CTNND2: variants seen among roughly 807,000 people sequenced by gnomAD.
CTNND2 encodes catenin delta 2, also known as catenin delta-2.
In CTNND2, 22 loss-of-function variants were observed where a neutral mutation model predicts 144.4. The observed-to-expected ratio is 0.15, with a 90% CI of 0.11 to 0.22. CTNND2 has a LOEUF of 0.22. Among genes scored for constraint, CTNND2 ranks in the 10% least tolerant of loss-of-function variants. CTNND2 has a pLI of 1.00. For synonymous variants in CTNND2, 751 were observed against 695.6 expected (o/e 1.08, Z -1.25); for missense variants, 1,353 against 1,618.8 (o/e 0.84, Z 2.82).
At chr5:11,517,846 T>C (rs1421974035) in intron 3 of CTNND2, among the ~76,000 whole-genome samples, 2 of 152,014 alleles carry the variant, frequency 1.3e-5, no homozygotes, top group African/African-American at 2.4e-5. Flanking sequence ...AGAAAAAAGA[T>C]CTCTCCTTTC....
chr5:11,131,964 TA>T (rs34521084), intron 12 of CTNND2, among the ~76,000 whole-genome samples: 89,672 of 152,044 alleles, frequency 0.59, 26,643 homozygotes, highest in African/African-American at 0.66. Flanking sequence ...ATCTAGATGG[TA>T]AAGTTTTCCT....
At chr5:11,258,680 C>T (rs749482756) in intron 9 of CTNND2, among the ~76,000 whole-genome samples, 4 of 152,012 alleles carry the variant, frequency 2.6e-5, no homozygotes, top group African/African-American at 4.8e-5. Flanking sequence ...AGTTTCTTCA[C>T]CTCTGAAGTG....
At chr5:10,992,716 A>G (rs1294620139) in intron 18 of CTNND2, 39 bp from the exon 19 acceptor site, 2 of 1,596,928 alleles carry the variant, frequency 1.3e-6, no homozygotes, top group Non-Finnish European at 1.7e-6. Context: ...TGGGCAAGAC[A>G]GAGTGATTTT....
chr5:11,523,180 T>C (rs1376803070), intron 3 of CTNND2, among the ~76,000 whole-genome samples: 1 of 152,236 alleles, frequency 6.6e-6, no homozygotes, highest in Non-Finnish European at 1.5e-5. Flanking sequence ...CGATCAGTCT[T>C]TTTCCAAGGC....
In CTNND2 at chr5:11,523,386, A is replaced by G. The variant is rs539542144; in HGVS notation, c.287+41558T>C. ...GTAACATAAGGTTATGGTATCATGT[A>G]TATCGAGGCACACTTGCGTAACCAT... On this transcript the variant is annotated intron_variant, in intron 3 of 21. Coordinates refer to ENST00000304623, the MANE Select transcript of CTNND2 (RefSeq NM_001332.4). 2.0e-4 allele frequency among the ~76,000 whole-genome samples: 30 copies of G among 152,334 alleles called. No individual in the cohort carries two copies. The South Asian group carries it at 6.2e-3, about 32-fold the overall frequency.
chr5:11,742,057 G>A (rs1171270531), intron 1 of CTNND2, among the ~76,000 whole-genome samples: 1 of 151,626 alleles, frequency 6.6e-6, no homozygotes. Flanking sequence ...GGGGGAAAGG[G>A]TGGGAGGGGG....
chr5:11,158,428 A>G (rs61753308), intron 12 of CTNND2, among the ~76,000 whole-genome samples: 2,164 of 152,286 alleles, frequency 0.014, 48 homozygotes, highest in African/African-American at 0.049. Context: ...GGTAGCACCT[A>G]TCCAGAGAAA....
At chr5:11,797,328 C>G (rs1376350025) in intron 1 of CTNND2, among the ~76,000 whole-genome samples, 1 of 152,164 alleles carries the variant, frequency 6.6e-6, no homozygotes, top group Non-Finnish European at 1.5e-5. Flanking sequence ...CGTCTCACCA[C>G]AGGGTGGAGA....
intron 14 of CTNND2, among the ~76,000 whole-genome samples, chr5:11,107,023 T>G (rs1283062171): frequency 6.6e-6 from 1 of 152,142 alleles, no homozygotes; most frequent in African/African-American, 2.4e-5. Flanking sequence ...CTCTGAAGAC[T>G]CAAGAGACCG....
intron 3 of CTNND2, among the ~76,000 whole-genome samples, chr5:11,497,686 T>G (rs2150003884): frequency 6.6e-6 from 1 of 152,094 alleles, no homozygotes; most frequent in East Asian, 1.9e-4. Context: ...GACTTGTGTG[T>G]GTGAATCATC....
intron 12 of CTNND2, among the ~76,000 whole-genome samples, chr5:11,141,910 C>T (rs1227952783): frequency 2.6e-5 from 4 of 152,188 alleles, no homozygotes; most frequent in East Asian, 3.8e-4. Context: ...ATCCTGAGGG[C>T]TCTCAATGGA....
chr5:11,294,529 C>A (rs1002000675), intron 9 of CTNND2, among the ~76,000 whole-genome samples: 2 of 152,096 alleles, frequency 1.3e-5, no homozygotes, highest in Non-Finnish European at 2.9e-5. Context: ...AGCTTTCATG[C>A]AAATATAGAA....
intron 16 of CTNND2, among the ~76,000 whole-genome samples, chr5:11,078,560 A>G (rs1249144024): frequency 6.6e-6 from 1 of 152,202 alleles, no homozygotes; most frequent in Admixed American, 6.5e-5. Context: ...GAAAGAAGAG[A>G]TGCCTAGGAG....
chr5:11,863,061 C>A (rs1269930222), intron 1 of CTNND2, among the ~76,000 whole-genome samples: 2 of 152,276 alleles, frequency 1.3e-5, no homozygotes, highest in South Asian at 2.1e-4. Flanking sequence ...AACCTGAGTA[C>A]ATCTATTTTC....
chr5:11,030,956 A>G (rs1743403813), intron 16 of CTNND2, among the ~76,000 whole-genome samples: 1 of 151,812 alleles, frequency 6.6e-6, no homozygotes, highest in Admixed American at 6.6e-5. Context: ...TGACTGTTTT[A>G]GGCTGTCTCT....
intron 2 of CTNND2, among the ~76,000 whole-genome samples, chr5:11,685,724 AT>A (rs2126637411): frequency 6.6e-6 from 1 of 152,312 alleles, no homozygotes; most frequent in Admixed American, 6.5e-5. Context: ...AATTTAATGA[AT>A]ACTTGCAATA....
intron 2 of CTNND2, among the ~76,000 whole-genome samples, chr5:11,566,596 T>C (rs1263866401): frequency 1.3e-5 from 2 of 152,236 alleles, no homozygotes; most frequent in African/African-American, 4.8e-5. Context: ...ACTCCTCACA[T>C]GTCGATGGAA....
intron 9 of CTNND2, among the ~76,000 whole-genome samples, chr5:11,290,237 T>TAA (rs1174866885): frequency 6.6e-6 from 1 of 152,240 alleles, no homozygotes; most frequent in African/African-American, 2.4e-5. Flanking sequence ...CTAAGTAATT[T>TAA]AAAAGCCTTT....
At chr5:11,649,469 C>T (rs962239325) in intron 2 of CTNND2, among the ~76,000 whole-genome samples, 1 of 152,038 alleles carries the variant, frequency 6.6e-6, no homozygotes, top group Admixed American at 6.6e-5. Flanking sequence ...AGGTGTGCAC[C>T]ACCACACTCA....
Sources: gnomAD v4.1 joint callset for allele counts (sites outside exome capture counted in the v4.1 genomes callset) on GRCh38, gnomAD v4.1.1 for gene constraint, MANE v1.5 for transcripts, NCBI Gene and HGNC (gene_info 2026-07-23, HGNC 2026-07-21) for gene names.